ABCA12: variants seen among roughly 807,000 people sequenced by gnomAD.
ABCA12 encodes the protein glucosylceramide transporter ABCA12.
Under a neutral mutation model 293.5 loss-of-function variants are expected in ABCA12, and 156 were observed. That is an observed-to-expected ratio of 0.53 (90% confidence interval 0.47 to 0.61). ABCA12 has a LOEUF of 0.61. Ranked by LOEUF, ABCA12 falls within the 20% of genes least tolerant of loss-of-function variation. The probability of loss-of-function intolerance (pLI) is 0.00; values close to 1 mark genes in which losing one functional copy is unlikely to be tolerated. For missense variants in ABCA12, 2,797 were observed against 3,090.2 expected, an observed-to-expected ratio of 0.91 and a Z score of 2.25; for synonymous variants, 1,063 against 1,108.0, an observed-to-expected ratio of 0.96 and a Z score of 0.81.
intron 11 of ABCA12, among the ~76,000 whole-genome samples, chr2:215,024,636 T>G (rs1162965601): frequency 6.6e-6 from 1 of 152,194 alleles, no homozygotes; most frequent in East Asian, 1.9e-4. Flanking sequence ...TAGGTAATGG[T>G]AAGTAGTACA....
At chr2:214,944,894 C>CATAT in intron 49 of ABCA12, 107 bp downstream of exon 49, 1 of 780,210 alleles carries the variant, frequency 1.3e-6, no homozygotes, top group South Asian at 1.5e-5. Context: ...TATACACACA[C>CATAT]ATATATATGT....
intron 29 of ABCA12, 70 bp downstream of exon 29, chr2:214,983,577 C>T: frequency 1.4e-6 from 2 of 1,381,078 alleles, no homozygotes; most frequent in Admixed American, 1.7e-5. Context: ...ATTACCAGAA[C>T]TTTACCAACC....
chr2:215,016,944 G>A (rs1415669170), intron 14 of ABCA12, among the ~76,000 whole-genome samples: 1 of 152,042 alleles, frequency 6.6e-6, no homozygotes, highest in East Asian at 1.9e-4. Context: ...CCATTTACAC[G>A]TTTTATTTAC....
chr2:214,958,492 T>G, intron 40 of ABCA12, 38 bp from the exon 41 acceptor site: 2 of 1,602,196 alleles, frequency 1.2e-6, no homozygotes, highest in Non-Finnish European at 8.5e-7. Context: ...CACACATAAG[T>G]TTTTGAAACT....
intron 7 of ABCA12, among the ~76,000 whole-genome samples, chr2:215,041,705 T>C (rs1701105411): frequency 6.6e-6 from 1 of 152,204 alleles, no homozygotes; most frequent in Non-Finnish European, 1.5e-5. Context: ...GAAGAGATAG[T>C]AGTATTGCTG....
At position 214,975,821 on chromosome 2, in the gene ABCA12, G is replaced by C. The variant is rs140464323; in HGVS notation, c.5345C>G (p.Ser1782Cys). The C allele has an allele frequency of 1.8e-5, 29 of 1,614,002 alleles. No individual in the cohort carries two copies. Among genetic ancestry groups the C allele is most frequent in the Non-Finnish European group, 2.3e-5 (27 of 1,179,986 alleles). Residue 1782 changes from serine to cysteine, a missense_variant, in exon 34 of 53, where the codon TCT becomes TGT. Physicochemically the swap from Ser to Cys is moderately radical, Grantham distance 112. Coordinates refer to ENST00000272895, the MANE Select transcript of ABCA12 (RefSeq NM_173076.3). ...TGTCTGTTCGGAGGTACCATAAAGA[G>C]AGGGGGAGATCTGAATCTCTGGATA... ...NSYPEIQISP[S>C]LYGTSEQTAF...
rs373340066 is a variant in ABCA12, at chr2:214,997,736, C to T, written c.3253G>A (p.Val1085Ile). 79 of 1,613,208 alleles carry T rather than the reference C, an allele frequency of 4.9e-5. No individual in the cohort carries two copies. Among genetic ancestry groups the T allele is most frequent in the Non-Finnish European group, 6.4e-5 (76 of 1,179,608 alleles). Residue 1085 changes from valine (V) to isoleucine (I), a missense_variant, in exon 23 of 53, where the codon GTA becomes ATA. Val to Ile is a conservative substitution (Grantham distance 29). Around this residue, in one of 3 missense-constraint regions of ABCA12, gnomAD observed 2,130 missense variants for 2,427.0 expected, o/e 0.88. Transcript: ENST00000272895. ...TCTTTCTCATAGACAAGCTTTTTTA[C>T]AAAGGCAGCTATAAATACAACCCAG... ...VAWVVFIAAFVKKLVYEKDLR... is the reference protein window; with the variant it reads ...VAWVVFIAAFIKKLVYEKDLR...
In ABCA12 at chr2:215,097,286, G is replaced by A. The variant is rs537734887; in HGVS notation, c.163+14311C>T. On this transcript the variant is annotated intron_variant, in intron 2 of 52. Coordinates refer to ENST00000272895, the MANE Select transcript of ABCA12 (RefSeq NM_173076.3). ...AGGACATAGCTTAAGTCTTATTTATGCTATTAAGCTTTACCTTACTTCTCT... is the reference window on the plus strand; with the variant it reads ...AGGACATAGCTTAAGTCTTATTTATACTATTAAGCTTTACCTTACTTCTCT... 4.6e-5 allele frequency among the ~76,000 whole-genome samples: 7 copies of A among 151,770 alleles called. No homozygotes were observed. The South Asian group carries it at 1.5e-3, about 32-fold the overall frequency.
At chr2:215,119,750 A>AC in intron 1 of ABCA12, among the ~76,000 whole-genome samples, 1 of 141,948 alleles carries the variant, frequency 7.0e-6, no homozygotes, top group African/African-American at 3.1e-5. Context: ...AAAAAAAAAA[A>AC]AATGAAAACA....
intron 1 of ABCA12, among the ~76,000 whole-genome samples, chr2:215,116,726 A>T (rs1702694237): frequency 2.6e-5 from 4 of 152,242 alleles, no homozygotes. Flanking sequence ...AAATGTCATC[A>T]TGCACAACCT....
At chr2:215,004,126 G>C (rs1559141223) in intron 20 of ABCA12, 83 bp downstream of exon 20, 12 of 1,208,502 alleles carry the variant, frequency 9.9e-6, no homozygotes, top group Non-Finnish European at 1.3e-5. Context: ...GGAGAAAAGG[G>C]GGGAAAATGT....
intron 1 of ABCA12, among the ~76,000 whole-genome samples, chr2:215,123,987 T>C (rs1702865312): frequency 6.6e-6 from 1 of 152,202 alleles, no homozygotes; most frequent in African/African-American, 2.4e-5. Flanking sequence ...TCCTCAGAAC[T>C]TAGCTCCCAC....
At position 215,138,473 on chromosome 2, in the gene ABCA12, T is replaced by C. The variant is rs1703279685; in HGVS notation, c.-265A>G. ...ATCAGTATCTTTGGGTGGCTTATGC[T>C]TATTTTAAAATAATATCCAGTTGCT... On this transcript the variant is annotated 5_prime_UTR_variant, in exon 1 of 53. Coordinates refer to ENST00000272895, the MANE Select transcript of ABCA12 (RefSeq NM_173076.3). 2 of 494,968 alleles carry C rather than the reference T, an allele frequency of 4.0e-6. No homozygotes were observed. Among genetic ancestry groups the C allele is most frequent in the Non-Finnish European group, 7.4e-6 (2 of 272,010 alleles). 30.7% of individuals were successfully genotyped at this position (494,968 alleles called of 1,614,324 possible).
chr2:215,104,532 C>A (rs956907230), intron 2 of ABCA12, among the ~76,000 whole-genome samples: 2 of 152,156 alleles, frequency 1.3e-5, no homozygotes, highest in Non-Finnish European at 1.5e-5. Flanking sequence ...CAGCTCTGCA[C>A]GGGACACTGG....
At chr2:215,105,605 A>ACGCG (rs1222309564) in intron 2 of ABCA12, among the ~76,000 whole-genome samples, 6 of 143,568 alleles carry the variant, frequency 4.2e-5, no homozygotes, top group African/African-American at 1.8e-4. Context: ...ACACACGCAC[A>ACGCG]CACACACACA....
chr2:214,948,881 C>T, intron 46 of ABCA12, 144 bp from the exon 47 acceptor site: 8 of 1,227,100 alleles, frequency 6.5e-6, no homozygotes, highest in Non-Finnish European at 9.4e-6. Context: ...CTATCAAATT[C>T]ACATTTAAAC....
At chr2:215,069,480 T>C (rs1022786299) in intron 2 of ABCA12, among the ~76,000 whole-genome samples, 1 of 152,236 alleles carries the variant, frequency 6.6e-6, no homozygotes, top group Non-Finnish European at 1.5e-5. Flanking sequence ...AACGTTTTTT[T>C]TTAAATCTTC....
chr2:215,129,173 T>C (rs531357604), intron 1 of ABCA12, among the ~76,000 whole-genome samples: 18 of 152,356 alleles, frequency 1.2e-4, no homozygotes, highest in African/African-American at 4.3e-4. Context: ...CAGCCATGGA[T>C]ACCAGTGCCT....
rs1702747266 is a variant in ABCA12, at chr2:215,119,120, G to A, written c.70-7430C>T. On this transcript the variant is annotated intron_variant, in intron 1 of 52. Coordinates refer to ENST00000272895, the MANE Select transcript of ABCA12 (RefSeq NM_173076.3). ...CAAGTAGCTGGGATTACAGGCATGT[G>A]CCACCACGCCTGGCTAAGTTTTGTA... Among the ~76,000 whole-genome samples, 3 of 152,256 alleles carry A rather than the reference G, an allele frequency of 2.0e-5. 1 individual carries two copies. Among genetic ancestry groups the A allele is most frequent in the African/African-American group, 7.2e-5 (3 of 41,542 alleles).
Sources: gnomAD v4.1 joint callset for allele counts (sites outside exome capture counted in the v4.1 genomes callset) on GRCh38, gnomAD v4.1.1 for gene constraint, gnomAD v4.1.1 regional missense constraint, MANE v1.5 for transcripts, NCBI Gene and HGNC (gene_info 2026-07-23, HGNC 2026-07-21) for gene names.